CSGALNACT1: variants seen among roughly 807,000 people sequenced by gnomAD.
CSGALNACT1 encodes beta4GalNAcT-1.
Under a neutral mutation model 51.0 loss-of-function variants are expected in CSGALNACT1, and 52 were observed. The ratio of observed to expected loss-of-function variants is 1.02; its 90% CI spans 0.82 to 1.29. The LOEUF (loss-of-function observed/expected upper bound fraction) is 1.29, where lower values mean the gene tolerates loss of function less well. CSGALNACT1 is among the 50% of genes most tolerant of loss of function. CSGALNACT1 has a pLI of 0.00. For missense variants in CSGALNACT1, 935 were observed against 679.2 expected, an observed-to-expected ratio of 1.38 and a Z score of -4.19; for synonymous variants, 341 against 254.4, an observed-to-expected ratio of 1.34 and a Z score of -3.24.
In CSGALNACT1 at chr8:19,457,820, A is replaced by G. The variant is rs755219939; in HGVS notation, c.851+606T>C. 5.2e-6 allele frequency: 7 copies of G among 1,350,740 alleles called. No individual in the cohort carries two copies. In the South Asian group the frequency reaches 5.7e-5, roughly 11 times the overall value. The allele number at this position is 1,350,740 out of a possible 1,614,324, so 83.7% of individuals were successfully genotyped here. On this transcript the variant is annotated intron_variant, in intron 5 of 9. Coordinates refer to ENST00000454498, the Ensembl canonical transcript of CSGALNACT1. ...TCTAAAAACTTCATCAGCAGGCCTG[A>G]AAAATGAAACCCAGCTTAGTCTCAT...
At chr8:19,662,084 C>G (rs1040797124) in intron 1 of CSGALNACT1, among the ~76,000 whole-genome samples, 19 of 108,564 alleles carry the variant, frequency 1.8e-4, no homozygotes, top group East Asian at 1.2e-3. Flanking sequence ...ACCCCCCCCC[C>G]CCCCCGCATC....
chr8:19,754,089 C>G (rs2065211026), intron 1 of CSGALNACT1, among the ~76,000 whole-genome samples: 2 of 152,030 alleles, frequency 1.3e-5, no homozygotes, highest in South Asian at 4.1e-4. Flanking sequence ...GGGCAGTGGC[C>G]TGATCTCAGC....
chr8:19,552,353 T>C (rs1754925480), intron 3 of CSGALNACT1, among the ~76,000 whole-genome samples: 1 of 152,206 alleles, frequency 6.6e-6, no homozygotes, highest in African/African-American at 2.4e-5. Flanking sequence ...TAGAGTTTTC[T>C]TTTCTGGAAT....
intron 3 of CSGALNACT1, among the ~76,000 whole-genome samples, chr8:19,552,804 A>T (rs1033824670): frequency 6.6e-6 from 1 of 152,228 alleles, no homozygotes; most frequent in African/African-American, 2.4e-5. Context: ...CAGAATGCTT[A>T]TAAGAACAGA....
At chr8:19,418,859 T>C in intron 7 of CSGALNACT1, 109 bp from the exon 7 acceptor site, 1 of 778,488 alleles carries the variant, frequency 1.3e-6, no homozygotes, top group Non-Finnish European at 2.2e-6. Context: ...CCCACTTTTT[T>C]TTTCTTTGAG....
chr8:19,458,721 C>T (rs1044613650), intron 4 of CSGALNACT1, 79 bp from the exon 4 acceptor site: 1 of 1,291,928 alleles, frequency 7.7e-7, no homozygotes, highest in Non-Finnish European at 1.1e-6. Flanking sequence ...AGATCTAGCA[C>T]AGAATGCCTT....
At chr8:19,471,269 G>A (rs2068098955) in intron 4 of CSGALNACT1, among the ~76,000 whole-genome samples, 1 of 152,194 alleles carries the variant, frequency 6.6e-6, no homozygotes, top group African/African-American at 2.4e-5. Context: ...GGAGAACACT[G>A]CGCATGCGGA....
intron 3 of CSGALNACT1, among the ~76,000 whole-genome samples, chr8:19,544,168 A>G (rs569565302): frequency 1.3e-5 from 2 of 152,278 alleles, no homozygotes; most frequent in East Asian, 3.9e-4. Flanking sequence ...GTCAAACTAT[A>G]GATTTAGACA....
chr8:19,473,433 A>G (rs377302933), intron 4 of CSGALNACT1, among the ~76,000 whole-genome samples: 20 of 152,172 alleles, frequency 1.3e-4, no homozygotes, highest in African/African-American at 3.6e-4. Flanking sequence ...CGTCACTAAC[A>G]TGATTATCAC....
At chr8:19,435,442 G>C (rs576092667) in intron 6 of CSGALNACT1, among the ~76,000 whole-genome samples, 8 of 150,714 alleles carry the variant, frequency 5.3e-5, no homozygotes, top group South Asian at 2.1e-4. Context: ...GCAGGGAGCC[G>C]AGACTGTGCC....
intron 1 of CSGALNACT1, among the ~76,000 whole-genome samples, chr8:19,629,703 T>C (rs565112698): frequency 1.3e-5 from 2 of 152,336 alleles, no homozygotes; most frequent in East Asian, 3.9e-4. Flanking sequence ...AAAGTACCTA[T>C]GCCTCAAAAT....
chr8:19,408,494 TTTTG>T, intron 9 of CSGALNACT1, 115 bp downstream of exon 8: 109 of 444,296 alleles, frequency 2.5e-4, no homozygotes, highest in East Asian at 2.9e-4. Context: ...TTTTTTTTTT[TTTTG>T]AAGGCAATGG....
chr8:19,599,727 G>T (rs1358218056), intron 2 of CSGALNACT1, among the ~76,000 whole-genome samples: 1 of 152,186 alleles, frequency 6.6e-6, no homozygotes, highest in African/African-American at 2.4e-5. Context: ...GGGAACACTT[G>T]GGGAACCTGG....
chr8:19,418,116 CCAAA>C (rs2057246222), intron 8 of CSGALNACT1, among the ~76,000 whole-genome samples: 1 of 152,110 alleles, frequency 6.6e-6, no homozygotes, highest in African/African-American at 2.4e-5. Flanking sequence ...TAACGTCTAC[CCAAA>C]CACTGTGATG....
intron 5 of CSGALNACT1, among the ~76,000 whole-genome samples, chr8:19,457,062 A>G (rs955462201): frequency 6.6e-6 from 1 of 152,194 alleles, no homozygotes; most frequent in Non-Finnish European, 1.5e-5. Context: ...CTTGACTAGT[A>G]ATGTAGGCAG....
chr8:19,520,304 G>A (rs978365622), intron 3 of CSGALNACT1, among the ~76,000 whole-genome samples: 1 of 152,186 alleles, frequency 6.6e-6, no homozygotes, highest in African/African-American at 2.4e-5. Flanking sequence ...AAAAAATGTA[G>A]GGAAAAATAA....
chr8:19,532,595 A>G (rs1454489536), intron 3 of CSGALNACT1, among the ~76,000 whole-genome samples: 1 of 152,174 alleles, frequency 6.6e-6, no homozygotes, highest in Admixed American at 6.5e-5. Flanking sequence ...AATGACCTGG[A>G]AAGTCCTCAC....
At chr8:19,626,156 C>A (rs1347614729) in intron 1 of CSGALNACT1, among the ~76,000 whole-genome samples, 2 of 152,078 alleles carry the variant, frequency 1.3e-5, no homozygotes, top group Non-Finnish European at 2.9e-5. Context: ...AATCACAATA[C>A]CCAGTTTTAA....
At chr8:19,553,620 C>CATATATATATATATAT (rs769189103) in intron 3 of CSGALNACT1, among the ~76,000 whole-genome samples, 3 of 71,580 alleles carry the variant, frequency 4.2e-5, no homozygotes, top group African/African-American at 2.8e-4. Flanking sequence ...TATATAAATA[C>CATATATATATATATAT]ATATATATAT....
Sources: allele counts gnomAD v4.1 joint callset (sites outside exome capture counted in the v4.1 genomes callset), GRCh38; gene constraint gnomAD v4.1.1; transcripts MANE v1.5; gene names NCBI Gene and HGNC (gene_info 2026-07-23, HGNC 2026-07-21).